The following TRPC3 variants were observed in gnomAD, a reference collection of about 807,000 sequenced individuals.
TRPC3 encodes short transient receptor potential channel 3.
In TRPC3, 54 loss-of-function variants were observed where a neutral mutation model predicts 90.9. The observed-to-expected ratio is 0.59, with a 90% CI of 0.48 to 0.75. TRPC3 has a LOEUF of 0.75. Among genes scored for constraint, TRPC3 ranks in the 30% least tolerant of loss-of-function variants. The pLI is 0.00. For synonymous variants in TRPC3, 424 were observed against 450.9 expected, an observed-to-expected ratio of 0.94 and a Z score of 0.75; for missense variants, 918 against 1,194.5, an observed-to-expected ratio of 0.77 and a Z score of 3.41.
At position 121,875,005 on chromosome 4, in the gene TRPC3, T is replaced by G. The variant is rs894886092; in HGVS notation, c.*4731A>C. Among the ~76,000 whole-genome samples the G allele has an allele frequency of 6.6e-6, 1 of 151,910 alleles. No homozygotes were observed. Among genetic ancestry groups the G allele is most frequent in the African/African-American group, 2.4e-5 (1 of 41,350 alleles). ...ACTTAAAAAAAATGAAAAGTAAAGATAAACATTTCAATATGTCACAACAAT... is the reference window on the plus strand; with the variant it reads ...ACTTAAAAAAAATGAAAAGTAAAGAGAAACATTTCAATATGTCACAACAAT... On this transcript the variant is annotated 3_prime_UTR_variant, in exon 12 of 12. Coordinates refer to ENST00000379645, the MANE Select transcript of TRPC3 (RefSeq NM_001130698.2).
At chr4:121,925,236 C>T (rs1729662186) in intron 2 of TRPC3, 30 bp from the exon 3 acceptor site, 1 of 1,578,518 alleles carries the variant, frequency 6.3e-7, no homozygotes, top group African/African-American at 1.4e-5. Flanking sequence ...TGTTTTAACA[C>T]AAATAATTTG....
intron 2 of TRPC3, among the ~76,000 whole-genome samples, chr4:121,926,203 G>A (rs529886612): frequency 2.6e-5 from 4 of 152,086 alleles, no homozygotes; most frequent in Non-Finnish European, 4.4e-5. Flanking sequence ...AAATACCTCC[G>A]TGAGGACATC....
chr4:121,921,396 C>T (rs1729500417), intron 3 of TRPC3, among the ~76,000 whole-genome samples: 1 of 150,426 alleles, frequency 6.6e-6, no homozygotes, highest in South Asian at 2.1e-4. Flanking sequence ...GTGGCGGGCG[C>T]CTGTAGTCCC....
rs373693915 is a variant in TRPC3 at position 121,886,374 on chromosome 4, GA to G, written c.2548-3946del. On this transcript the variant is annotated intron_variant, in intron 10 of 11. Coordinates refer to ENST00000379645, the MANE Select transcript of TRPC3 (RefSeq NM_001130698.2). ...GTAATAAGACTGATGTAGACAAATA[GA>G]AAAAAAACTCAGAAGTACAGAGTAA... Among the ~76,000 whole-genome samples the G allele has an allele frequency of 1.1e-3, 173 of 151,836 alleles. 1 individual carries two copies. The highest frequency in any genetic ancestry group is 4.0e-3 in the African/African-American group (164 of 41,416).
chr4:121,921,353 T>C (rs1729497623), intron 3 of TRPC3, among the ~76,000 whole-genome samples: 1 of 151,250 alleles, frequency 6.6e-6, no homozygotes, highest in Admixed American at 6.6e-5. Context: ...AAACCCCGTC[T>C]CTACTAAAAA....
At chr4:121,893,585 G>A (rs1028644012) in intron 10 of TRPC3, among the ~76,000 whole-genome samples, 1 of 151,986 alleles carries the variant, frequency 6.6e-6, no homozygotes, top group Non-Finnish European at 1.5e-5. Flanking sequence ...AATCTCCTAT[G>A]GGGGAAAAAT....
chr4:121,928,798 T>C (rs1316821010), intron 2 of TRPC3, among the ~76,000 whole-genome samples: 1 of 152,242 alleles, frequency 6.6e-6, no homozygotes, highest in Non-Finnish European at 1.5e-5. Flanking sequence ...CCTTTTAATG[T>C]ATATGTTTAA....
intron 1 of TRPC3, 146 bp from the exon 2 acceptor site, chr4:121,933,188 A>G (rs1730015188): frequency 7.4e-7 from 1 of 1,353,172 alleles, no homozygotes; most frequent in Non-Finnish European, 9.5e-7. Flanking sequence ...TACCGTTGCT[A>G]ACTACTCGCC....
chr4:121,941,218 A>G (rs919961809), intron 1 of TRPC3, among the ~76,000 whole-genome samples: 2 of 152,344 alleles, frequency 1.3e-5, no homozygotes, highest in Non-Finnish European at 2.9e-5. Flanking sequence ...ACACTGCAAT[A>G]CATGAGCATT....
rs1011617609 is a variant in TRPC3, at chr4:121,898,214, G to A, written c.2547+1398C>T. On this transcript the variant is annotated intron_variant, in intron 10 of 11. Transcript: ENST00000379645. ...ATTTGTTAAAGGATACAAAATTACC[G>A]CTAGATAGGAGGAATAACTTCTAGT... 3.3e-5 allele frequency among the ~76,000 whole-genome samples: 5 copies of A among 152,172 alleles called. No individual in the cohort carries two copies. The South Asian group carries it at 6.2e-4, about 19-fold the overall frequency.
chr4:121,879,882 T>C lies in TRPC3; in HGVS notation c.2624-4A>G, dbSNP rs200301327. ...TGCTTGATTTCTTTTAATTCACCTA[T>C]AGTATTGATATTAAAAAATTATTGG... On this transcript the variant is annotated splice_polypyrimidine_tract_variant and splice_region_variant and intron_variant, in intron 11 of 11. Coordinates refer to ENST00000379645, the MANE Select transcript of TRPC3 (RefSeq NM_001130698.2). The C allele has an allele frequency of 5.9e-6, 9 of 1,532,460 alleles. No homozygotes were observed. The highest frequency in any genetic ancestry group is 4.9e-5 in the East Asian group (2 of 40,784). 94.9% of individuals were successfully genotyped at this position (1,532,460 alleles called of 1,614,324 possible). A position where few individuals can be genotyped will look rare whatever the true frequency, so the allele number is the denominator to read the frequency against.
Position 121,932,138 on chromosome 4 carries a change from G to T in TRPC3, c.987+133C>A, listed in dbSNP as rs907567273. 25 of 1,380,950 alleles carry T rather than the reference G, an allele frequency of 1.8e-5. No individual in the cohort carries two copies. The South Asian group carries it at 3.2e-4, about 18-fold the overall frequency. 85.5% of individuals were successfully genotyped at this position (1,380,950 alleles called of 1,614,324 possible). A position where few individuals can be genotyped will look rare whatever the true frequency, so the allele number is the denominator to read the frequency against. On this transcript the variant is annotated intron_variant, in intron 2 of 11. Coordinates refer to ENST00000379645, the MANE Select transcript of TRPC3 (RefSeq NM_001130698.2). The surrounding 1 kb of genome is among the most constrained non-coding windows in gnomAD (Gnocchi z 7.7). ...AAACATTAGATGAGGTCTGAATGAC[G>T]TTCTCAGTCCCTCGTGATTTCACAT...
intron 10 of TRPC3, among the ~76,000 whole-genome samples, chr4:121,883,317 C>G (rs181072288): frequency 1.3e-5 from 2 of 151,964 alleles, no homozygotes; most frequent in African/African-American, 4.8e-5. Context: ...TTTAAAATTT[C>G]TGTTTAAAGA....
intron 3 of TRPC3, among the ~76,000 whole-genome samples, chr4:121,921,298 G>A (rs552593649): frequency 1.3e-5 from 2 of 151,908 alleles, no homozygotes; most frequent in Non-Finnish European, 2.9e-5. Flanking sequence ...CGAGGCGGGC[G>A]GATCACGAGG....
chr4:121,907,223 A>G, intron 7 of TRPC3, 80 bp downstream of exon 7: 1 of 1,313,704 alleles, frequency 7.6e-7, no homozygotes, highest in South Asian at 1.5e-5. Flanking sequence ...TATTACAATC[A>G]GAGAAATTTT....
chr4:121,939,817 T>C (rs1730243978), intron 1 of TRPC3, among the ~76,000 whole-genome samples: 1 of 152,226 alleles, frequency 6.6e-6, no homozygotes. Context: ...CAGTTACTTC[T>C]GCTGACAAGC....
intron 1 of TRPC3, among the ~76,000 whole-genome samples, chr4:121,939,117 C>T (rs1198821778): frequency 1.3e-5 from 2 of 152,100 alleles, no homozygotes; most frequent in African/African-American, 4.8e-5. Context: ...TTTTCAAATA[C>T]AGGATCTTTG....
intron 3 of TRPC3, among the ~76,000 whole-genome samples, chr4:121,919,539 C>T (rs1422358746): frequency 1.3e-5 from 2 of 152,154 alleles, no homozygotes; most frequent in East Asian, 1.9e-4. Flanking sequence ...AAGACCAGGA[C>T]AAGAGGCCAC....
intron 1 of TRPC3, among the ~76,000 whole-genome samples, chr4:121,949,625 A>G (rs1231982932): frequency 6.6e-6 from 1 of 152,238 alleles, no homozygotes; most frequent in Admixed American, 6.5e-5. Context: ...ACCAAGTGAC[A>G]GGCCTGAAAT....
Sources: gnomAD v4.1 joint callset for allele counts (sites outside exome capture counted in the v4.1 genomes callset) on GRCh38, gnomAD v4.1.1 for gene constraint, Gnocchi (gnomAD v3.1) non-coding constraint, MANE v1.5 for transcripts, NCBI Gene and HGNC (gene_info 2026-07-23, HGNC 2026-07-21) for gene names.